The following PPOX variants were observed in gnomAD, a reference collection of about 807,000 sequenced individuals.
The protein encoded by PPOX is protoporphyrinogen oxidase.
A neutral mutation model predicts 54.1 loss-of-function variants in PPOX; 23 were observed. That is an observed-to-expected ratio of 0.43 (90% CI 0.31 to 0.60). PPOX has a LOEUF of 0.60. Ranked by LOEUF, PPOX falls within the 20% of genes least tolerant of loss-of-function variation. The probability of loss-of-function intolerance (pLI) is 0.13; values close to 1 mark genes in which losing one functional copy is unlikely to be tolerated. For synonymous variants in PPOX, 224 were observed against 236.1 expected (o/e 0.95, Z 0.47); for missense variants, 512 against 601.1 (o/e 0.85, Z 1.55).
rs1172225827 is a variant in PPOX, at chr1:161,170,158, C to G, written c.987+134C>G. 6.0e-6 allele frequency: 7 copies of G among 1,176,252 alleles called. No individual in the cohort carries two copies. In the African/African-American group the frequency reaches 1.1e-4, roughly 18 times the overall value. The allele number at this position is 1,176,252 out of a possible 1,614,324, so 72.9% of individuals were successfully genotyped here. A position where few individuals can be genotyped will look rare whatever the true frequency, so the allele number is the denominator to read the frequency against. ...TGGCCAACATGGTGAAACCCCATCTCTACGAAAAATACAAAAATTAGCCAG... is the reference window on the plus strand; with the variant it reads ...TGGCCAACATGGTGAAACCCCATCTGTACGAAAAATACAAAAATTAGCCAG... On this transcript the variant is annotated intron_variant, in intron 9 of 12. Transcript: ENST00000367999.
chr1:161,173,948 G>C, downstream of PPOX: 1 of 1,614,202 alleles, frequency 6.2e-7, no homozygotes, highest in East Asian at 2.2e-5. Flanking sequence ...CTGGCAAGAG[G>C]TCCACATCGT....
At position 161,168,463 on chromosome 1, in the gene PPOX, G is replaced by T. The variant is rs41270025; in HGVS notation, c.503G>T (p.Arg168Leu). 2 of 1,614,088 alleles carry T rather than the reference G, an allele frequency of 1.2e-6. No homozygotes were observed. The highest frequency in any genetic ancestry group is 8.5e-7 in the Non-Finnish European group (1 of 1,180,026). ...VASLAMDSLC[R>L]GVFAGNSREL... The stretch of plus-strand genomic sequence containing the variant: ...TCTCTAGCCATGGACAGTCTCTGCC[G>T]TGGAGTGTTTGCAGGCAACAGCCGT... The change falls in exon 6 of 13, where the codon CGT becomes CTT. Residue 168 changes from arginine to leucine, a missense_variant. By Grantham distance (102) the Arg-to-Leu change is moderately radical. Transcript: ENST00000367999.
chr1:161,173,625 C>T (rs769444059), downstream of PPOX: 5 of 1,613,998 alleles, frequency 3.1e-6, no homozygotes, highest in Admixed American at 6.7e-5. Flanking sequence ...TGTCGTCATC[C>T]TCACCACCCC....
At chr1:161,172,076 C>G (rs747156753), downstream of PPOX, 1 of 1,614,094 alleles carries the variant, frequency 6.2e-7, no homozygotes, top group Admixed American at 1.7e-5. Context: ...TGGGTACGGA[C>G]CAGGAGGTCA....
At chr1:161,175,608 A>G (rs146832614), downstream of PPOX, among the ~76,000 whole-genome samples, 3 of 152,222 alleles carry the variant, frequency 2.0e-5, no homozygotes, top group South Asian at 2.1e-4. Flanking sequence ...TGGAAACCCA[A>G]TAGTCTAATC....
downstream of PPOX, among the ~76,000 whole-genome samples, chr1:161,174,626 T>G (rs915342931): frequency 6.6e-6 from 1 of 152,186 alleles, no homozygotes; most frequent in Non-Finnish European, 1.5e-5. Flanking sequence ...GTGGAACAGA[T>G]GGTATATTAG....
intron 4 of PPOX, 78 bp downstream of exon 4, chr1:161,167,564 T>TTC: frequency 1.5e-6 from 2 of 1,346,018 alleles, no homozygotes; most frequent in Non-Finnish European, 2.0e-6. Context: ...TTTCTTTTTT[T>TTC]TTTTTTTTTT....
intron 9 of PPOX, 88 bp from the exon 10 acceptor site, chr1:161,170,321 T>TCCCA: frequency 2.7e-6 from 1 of 367,768 alleles, no homozygotes; most frequent in Non-Finnish European, 5.3e-6. Context: ...TGAGACTCTG[T>TCCCA]CCCCCCCACC....
Position 161,169,683 on chromosome 1 carries a change from G to A in PPOX, c.831G>A (p.Leu277=). 2 of 1,614,170 alleles carry A rather than the reference G, an allele frequency of 1.2e-6. No individual in the cohort carries two copies. Among genetic ancestry groups the A allele is most frequent in the Non-Finnish European group, 1.7e-6 (2 of 1,180,018 alleles). The change falls in exon 8 of 13, where the codon CTG becomes CTA. Residue 277 remains leucine (L), a synonymous_variant. Transcript: ENST00000367999. The part of the protein sequence containing the change: ...RWKVSLRDSS[L]EADHVISAIP... ...AGGTATCTCTAAGGGACAGCAGTCT[G>A]GAGGCTGACCACGTTATTAGTGCCA...
chr1:161,166,510 C>T lies in PPOX; in HGVS notation c.-171C>T. 7.5e-7 allele frequency: 1 copy of T among 1,326,806 alleles called. No individual in the cohort carries two copies. Among genetic ancestry groups the T allele is most frequent in the Non-Finnish European group, 9.7e-7 (1 of 1,030,970 alleles). The allele number at this position is 1,326,806 out of a possible 1,614,324, so 82.2% of individuals were successfully genotyped here. On this transcript the variant is annotated 5_prime_UTR_variant, in exon 1 of 13. Coordinates refer to ENST00000367999, the MANE Select transcript of PPOX (RefSeq NM_001122764.3). ...TGTTGGCCTACAGAGGTGTGGCAAGCAGAGCACCTCAGAACTCAGGCGTAC... is the reference window on the plus strand; with the variant it reads ...TGTTGGCCTACAGAGGTGTGGCAAGTAGAGCACCTCAGAACTCAGGCGTAC...
At chr1:161,170,368 A>G in intron 9 of PPOX, 41 bp from the exon 10 acceptor site, 5 of 1,116,670 alleles carry the variant, frequency 4.5e-6, no homozygotes, top group Non-Finnish European at 6.2e-6. Context: ...AGCCTCAGCT[A>G]GAGCCCTTTC....
At position 161,170,953 on chromosome 1, in the gene PPOX, A is replaced by C; in HGVS notation, c.1291+4A>C. On this transcript the variant is annotated splice_donor_region_variant and intron_variant, in intron 12 of 12. Coordinates refer to ENST00000367999, the MANE Select transcript of PPOX (RefSeq NM_001122764.3). ...CTAGGTCACTGGCAAAAACTAGGTA[A>C]GTTGGGAAAACAGCTGGGCTGAGGA... The C allele has an allele frequency of 6.2e-7, 1 of 1,614,122 alleles. No individual in the cohort carries two copies. The highest frequency in any genetic ancestry group is 8.5e-7 in the Non-Finnish European group (1 of 1,180,030).
Position 161,166,915 on chromosome 1 carries a change from G to A in PPOX, c.68G>A (p.Arg23Gln), listed in dbSNP as rs201982191. The change falls in exon 2 of 13, where the codon CGG becomes CAG. Residue 23 changes from arginine to glutamine, a missense_variant. By Grantham distance (43) the Arg-to-Gln change is conservative. Coordinates refer to ENST00000367999, the MANE Select transcript of PPOX (RefSeq NM_001122764.3). ...TTGGCCGCCAGTTACCACCTGAGCC[G>A]GGCCCCCTGCCCCCCTAAGGTGAGT... ...SGLAASYHLSRAPCPPKVVLV... is the reference protein window; with the variant it reads ...SGLAASYHLSQAPCPPKVVLV... The A allele has an allele frequency of 6.4e-5, 104 of 1,613,714 alleles. No individual in the cohort carries two copies. Among genetic ancestry groups the A allele is most frequent in the African/African-American group, 1.3e-5 (1 of 74,938 alleles).
At chr1:161,177,100 G>A (rs1160219873), downstream of PPOX, 1 of 1,527,874 alleles carries the variant, frequency 6.5e-7, no homozygotes, top group Non-Finnish European at 8.8e-7. Flanking sequence ...GGGGAGGAGG[G>A]TTACTGCTGA....
chr1:161,172,664 A>C (rs1661876026), downstream of PPOX, among the ~76,000 whole-genome samples: 1 of 147,168 alleles, frequency 6.8e-6, no homozygotes, highest in East Asian at 2.1e-4. Context: ...ATAAGAGAAG[A>C]CTGGGAGTTG....
At chr1:161,173,551 G>A (rs367575811), downstream of PPOX, 2 of 1,611,476 alleles carry the variant, frequency 1.2e-6, no homozygotes, top group African/African-American at 2.7e-5. Context: ...GGTGGTCTTA[G>A]AGGACAGGGA....
At chr1:161,176,312 CCCA>C (rs906462624) in intron 4 of PPOX, 1 of 574,436 alleles carries the variant, frequency 1.7e-6, no homozygotes, top group African/African-American at 1.9e-5. Context: ...CCAAACCACT[CCCA>C]CCATCTACTG....
chr1:161,166,257 C>T (rs986783252), upstream of PPOX: 18 of 965,860 alleles, frequency 1.9e-5, no homozygotes, highest in African/African-American at 3.2e-4. Flanking sequence ...GGTACGGCCG[C>T]TCACTCCCAG....
intron 11 of PPOX, 31 bp downstream of exon 11, chr1:161,170,800 C>T: frequency 6.2e-7 from 1 of 1,614,090 alleles, no homozygotes; most frequent in South Asian, 1.1e-5. Flanking sequence ...CTCAGCTCTC[C>T]ACTGAAGGCC....
Sources: gnomAD v4.1 joint callset for allele counts (sites outside exome capture counted in the v4.1 genomes callset) on GRCh38, gnomAD v4.1.1 for gene constraint, MANE v1.5 for transcripts, NCBI Gene and HGNC (gene_info 2026-07-23, HGNC 2026-07-21) for gene names.